NPAS3: variants seen among roughly 807,000 people sequenced by gnomAD.
The protein encoded by NPAS3 is neuronal PAS domain-containing protein 3.
A neutral mutation model predicts 73.1 loss-of-function variants in NPAS3; 14 were observed. The ratio of observed to expected loss-of-function variants is 0.19; its 90% confidence interval spans 0.13 to 0.30. The LOEUF is 0.30. Ranked by LOEUF, NPAS3 falls within the 10% of genes least tolerant of loss-of-function variation. The pLI is 1.00. For missense variants in NPAS3, 1,096 were observed against 1,250.0 expected, an observed-to-expected ratio of 0.88 and a Z score of 1.86; for synonymous variants, 620 against 541.5, an observed-to-expected ratio of 1.14 and a Z score of -2.01.
At chr14:33,694,519 T>C (rs1202262027) in intron 6 of NPAS3, among the ~76,000 whole-genome samples, 2 of 152,166 alleles carry the variant, frequency 1.3e-5, no homozygotes, top group Non-Finnish European at 2.9e-5. Context: ...CAAGAAGTGA[T>C]AATGGGGAAG....
intron 3 of NPAS3, among the ~76,000 whole-genome samples, chr14:33,291,982 G>A (rs1433914712): frequency 6.6e-6 from 1 of 152,142 alleles, no homozygotes; most frequent in African/African-American, 2.4e-5. Flanking sequence ...CTGCCCCACA[G>A]CATTTTGCCG....
chr14:33,012,452 T>G (rs560097953), intron 1 of NPAS3, among the ~76,000 whole-genome samples: 18 of 152,356 alleles, frequency 1.2e-4, no homozygotes, highest in African/African-American at 4.3e-4. Flanking sequence ...TTTCTGTCTT[T>G]TAACTTAGAG....
intron 4 of NPAS3, among the ~76,000 whole-genome samples, chr14:33,504,579 T>C (rs2052669203): frequency 6.6e-6 from 1 of 152,024 alleles, no homozygotes; most frequent in Admixed American, 6.6e-5. Context: ...ATTAAATGAA[T>C]TAAATTGTTA....
At chr14:33,157,696 C>A (rs2044697827) in intron 2 of NPAS3, among the ~76,000 whole-genome samples, 1 of 152,164 alleles carries the variant, frequency 6.6e-6, no homozygotes, top group African/African-American at 2.4e-5. Context: ...AATCTCTGTT[C>A]ATGGAATATG....
chr14:33,428,064 AC>A (rs1455742656), intron 4 of NPAS3, among the ~76,000 whole-genome samples: 1 of 152,070 alleles, frequency 6.6e-6, no homozygotes, highest in East Asian at 1.9e-4. Flanking sequence ...TATAGGCTCA[AC>A]TCAATACATA....
intron 1 of NPAS3, among the ~76,000 whole-genome samples, chr14:33,019,406 T>A (rs370932014): frequency 3.3e-4 from 51 of 152,348 alleles, no homozygotes; most frequent in African/African-American, 1.1e-3. Flanking sequence ...TTTTACCCGC[T>A]CATTTGTATT....
intron 1 of NPAS3, among the ~76,000 whole-genome samples, chr14:33,026,352 A>C (rs1028247655): frequency 6.6e-6 from 1 of 152,130 alleles, no homozygotes; most frequent in South Asian, 2.1e-4. Flanking sequence ...ACTGTTCTTC[A>C]CTAAATGTAA....
At chr14:33,411,974 G>A (rs1290768608) in intron 4 of NPAS3, among the ~76,000 whole-genome samples, 1 of 152,192 alleles carries the variant, frequency 6.6e-6, no homozygotes, top group South Asian at 2.1e-4. Flanking sequence ...TTTAGATATT[G>A]TATAACTCAA....
At chr14:33,524,303 C>T (rs913790891) in intron 4 of NPAS3, among the ~76,000 whole-genome samples, 9 of 152,132 alleles carry the variant, frequency 5.9e-5, no homozygotes, top group East Asian at 1.9e-4. Context: ...GCTATACTAT[C>T]GGATTTTTAA....
At chr14:33,613,369 G>A (rs1296142091) in intron 5 of NPAS3, among the ~76,000 whole-genome samples, 1 of 152,142 alleles carries the variant, frequency 6.6e-6, no homozygotes, top group Non-Finnish European at 1.5e-5. Flanking sequence ...TTGCTGAGAA[G>A]GTTGAGGTCC....
chr14:33,443,175 C>G (rs2049329839), intron 4 of NPAS3, among the ~76,000 whole-genome samples: 1 of 151,854 alleles, frequency 6.6e-6, no homozygotes, highest in South Asian at 2.1e-4. Context: ...TATATTTTGT[C>G]TTCCACATTT....
At chr14:33,354,549 G>C (rs17100790) in intron 3 of NPAS3, among the ~76,000 whole-genome samples, 7,809 of 152,146 alleles carry the variant, frequency 0.051, 587 homozygotes, top group African/African-American at 0.17. Flanking sequence ...TCCCACCTGT[G>C]TGCTAATGAC....
At chr14:33,197,764 T>TTGTAAC (rs1162706490) in intron 2 of NPAS3, among the ~76,000 whole-genome samples, 1 of 152,246 alleles carries the variant, frequency 6.6e-6, no homozygotes, top group African/African-American at 2.4e-5. Flanking sequence ...GATTTGTAAG[T>TTGTAAC]ATCCTGCCAT....
At chr14:33,738,475 G>A (rs1335258299) in intron 7 of NPAS3, among the ~76,000 whole-genome samples, 1 of 152,138 alleles carries the variant, frequency 6.6e-6, no homozygotes, top group Non-Finnish European at 1.5e-5. Flanking sequence ...GGTGCTTGGT[G>A]ATCCCAATGC....
At chr14:33,178,793 A>ATT (rs1457431844) in intron 2 of NPAS3, among the ~76,000 whole-genome samples, 1 of 152,114 alleles carries the variant, frequency 6.6e-6, no homozygotes, top group Non-Finnish European at 1.5e-5. Flanking sequence ...TTTCCTTCCA[A>ATT]TTTGATATAT....
At chr14:33,517,005 C>T (rs1320207437) in intron 4 of NPAS3, among the ~76,000 whole-genome samples, 9 of 152,052 alleles carry the variant, frequency 5.9e-5, no homozygotes, top group Non-Finnish European at 1.2e-4. Flanking sequence ...GGCAGATGAA[C>T]AGGCTGTATA....
chr14:33,525,378 A>G (rs561953681), intron 4 of NPAS3, among the ~76,000 whole-genome samples: 2 of 152,292 alleles, frequency 1.3e-5, no homozygotes, highest in East Asian at 3.9e-4. Flanking sequence ...GATGGACCTG[A>G]CTTCATTCTT....
At chr14:33,178,114 C>G (rs929741862) in intron 2 of NPAS3, among the ~76,000 whole-genome samples, 1 of 129,322 alleles carries the variant, frequency 7.7e-6, no homozygotes, top group Admixed American at 9.5e-5. Flanking sequence ...CTTGCTCTGT[C>G]GCCAGGTTGG....
At chr14:33,549,296 A>G (rs1158786851) in intron 4 of NPAS3, among the ~76,000 whole-genome samples, 1 of 152,118 alleles carries the variant, frequency 6.6e-6, no homozygotes, top group African/African-American at 2.4e-5. Flanking sequence ...CAGTGGCACA[A>G]TCTCGGCTCA....
Sources: allele counts gnomAD v4.1 joint callset (sites outside exome capture counted in the v4.1 genomes callset), GRCh38; gene constraint gnomAD v4.1.1; transcripts MANE v1.5; gene names NCBI Gene and HGNC (gene_info 2026-07-23, HGNC 2026-07-21).